RAD51B: variants seen among roughly 807,000 people sequenced by gnomAD.
The protein encoded by RAD51B is DNA repair protein RAD51 homolog 2.
Under a neutral mutation model 42.2 loss-of-function variants are expected in RAD51B, and 38 were observed. The observed-to-expected ratio is 0.90, with a 90% CI of 0.70 to 1.18. RAD51B has a LOEUF of 1.18. Among genes scored for constraint, RAD51B ranks in the 50% most tolerant of loss-of-function variants. The probability of loss-of-function intolerance (pLI) is 0.00; values close to 1 mark genes in which losing one functional copy is unlikely to be tolerated. For synonymous variants in RAD51B, 154 were observed against 145.2 expected (o/e 1.06, Z -0.43); for missense variants, 373 against 400.7 (o/e 0.93, Z 0.59).
chr14:68,053,133 G>T (rs1003363005), intron 7 of RAD51B, among the ~76,000 whole-genome samples: 2 of 152,070 alleles, frequency 1.3e-5, no homozygotes, highest in Non-Finnish European at 2.9e-5. Flanking sequence ...TCGAGCTGTG[G>T]GCTCTGCCTT....
At chr14:68,500,394 A>G (rs910185017) in intron 10 of RAD51B, among the ~76,000 whole-genome samples, 1 of 152,260 alleles carries the variant, frequency 6.6e-6, no homozygotes, top group Non-Finnish European at 1.5e-5. Context: ...TGGTGGAGCC[A>G]GACCTTGGCC....
chr14:67,922,760 G>T (rs899184462), intron 7 of RAD51B, among the ~76,000 whole-genome samples: 7 of 149,468 alleles, frequency 4.7e-5, no homozygotes, highest in Non-Finnish European at 1.0e-4. Context: ...GGCATGATCT[G>T]GGCTCACTAC....
intron 7 of RAD51B, among the ~76,000 whole-genome samples, chr14:67,890,537 T>G (rs1313878749): frequency 2.0e-5 from 3 of 151,930 alleles, no homozygotes; most frequent in Non-Finnish European, 4.4e-5. Context: ...TGTATACATG[T>G]GCCATGCTGG....
intron 10 of RAD51B, among the ~76,000 whole-genome samples, chr14:68,633,386 C>G (rs1892275962): frequency 6.6e-6 from 1 of 152,090 alleles, no homozygotes; most frequent in South Asian, 2.1e-4. Flanking sequence ...TCTTAAAATT[C>G]AAGCAGGAGA....
chr14:68,261,093 A>G (rs1428441747), intron 7 of RAD51B, among the ~76,000 whole-genome samples: 2 of 152,208 alleles, frequency 1.3e-5, no homozygotes. Flanking sequence ...CTTTAGGGCA[A>G]TTGGTCACGA....
intron 7 of RAD51B, among the ~76,000 whole-genome samples, chr14:68,277,140 T>C (rs2081240947): frequency 6.6e-6 from 1 of 152,186 alleles, no homozygotes; most frequent in African/African-American, 2.4e-5. Context: ...AGTCCTCTCT[T>C]GGAAGCTCTT....
intron 11 of RAD51B, among the ~76,000 whole-genome samples, chr14:68,679,762 T>G (rs2140162595): frequency 6.6e-6 from 1 of 152,354 alleles, no homozygotes; most frequent in Admixed American, 6.5e-5. Context: ...CTCCAGGAAT[T>G]AGCATCTCCT....
chr14:68,194,731 C>T (rs1192842277), intron 7 of RAD51B, among the ~76,000 whole-genome samples: 1 of 152,132 alleles, frequency 6.6e-6, no homozygotes, highest in Non-Finnish European at 1.5e-5. Context: ...TGAGATATGA[C>T]AGTGTGGTAA....
chr14:67,930,655 ACAATGTGT>A (rs2044694217), intron 7 of RAD51B, among the ~76,000 whole-genome samples: 1 of 152,162 alleles, frequency 6.6e-6, no homozygotes. Flanking sequence ...CAGCTTGAAT[ACAATGTGT>A]CATGGAGAAG....
intron 8 of RAD51B, among the ~76,000 whole-genome samples, chr14:68,331,581 C>T (rs2082353476): frequency 6.6e-6 from 1 of 152,068 alleles, no homozygotes; most frequent in African/African-American, 2.4e-5. Flanking sequence ...CATGCATCCA[C>T]ATATCTACTA....
rs553236782 is a variant in RAD51B, at chr14:68,318,627, C to T, written c.853+26647C>T. 1.9e-4 allele frequency among the ~76,000 whole-genome samples: 29 copies of T among 152,240 alleles called. No homozygotes were observed. The South Asian group carries it at 3.9e-3, about 21-fold the overall frequency. ...TTGTTTGCATGGACGGTCTACCTAC[C>T]GTGTGGCCTTGTTCATGACATGGCG... On this transcript the variant is annotated intron_variant, in intron 8 of 10. Transcript: ENST00000471583.
intron 7 of RAD51B, among the ~76,000 whole-genome samples, chr14:68,183,024 G>A (rs1428583665): frequency 6.6e-6 from 1 of 152,114 alleles, no homozygotes; most frequent in Non-Finnish European, 1.5e-5. Flanking sequence ...TCTTATTTGG[G>A]GGATTTTGAC....
chr14:68,622,379 TC>T (rs1891968510), intron 10 of RAD51B, among the ~76,000 whole-genome samples: 1 of 152,198 alleles, frequency 6.6e-6, no homozygotes, highest in Non-Finnish European at 1.5e-5. Context: ...AGGCATGGTC[TC>T]TCTCCTCCTG....
chr14:67,989,716 C>G (rs2075260396), intron 7 of RAD51B, among the ~76,000 whole-genome samples: 1 of 150,424 alleles, frequency 6.6e-6, no homozygotes. Context: ...GGTTGGGGGG[C>G]AACCCCCCAC....
chr14:68,284,398 AAC>A (rs1410914774), intron 7 of RAD51B, among the ~76,000 whole-genome samples: 1 of 152,236 alleles, frequency 6.6e-6, no homozygotes, highest in African/African-American at 2.4e-5. Context: ...CTGCTACATT[AAC>A]AGTTGTTATA....
At chr14:68,581,275 C>T (rs565763090) in intron 10 of RAD51B, among the ~76,000 whole-genome samples, 35 of 152,262 alleles carry the variant, frequency 2.3e-4, no homozygotes, top group African/African-American at 7.0e-4. Context: ...CCATGTCTCC[C>T]GGTCAGCCAG....
chr14:68,173,022 A>G (rs2140861850), intron 7 of RAD51B, among the ~76,000 whole-genome samples: 1 of 152,294 alleles, frequency 6.6e-6, no homozygotes, highest in South Asian at 2.1e-4. Context: ...GCATTTTTTC[A>G]AGGCATTTTA....
At chr14:68,638,415 T>C (rs1230418130) in intron 10 of RAD51B, among the ~76,000 whole-genome samples, 3 of 152,136 alleles carry the variant, frequency 2.0e-5, no homozygotes. Flanking sequence ...TCCAAGACCC[T>C]CTTTTTAAGA....
In RAD51B at chr14:67,895,419, T is replaced by C. The variant is rs1031388947; in HGVS notation, c.756+8215T>C. On this transcript the variant is annotated intron_variant, in intron 7 of 10. Coordinates refer to ENST00000471583, the MANE Select transcript of RAD51B (RefSeq NM_133510.4). ...TTGCCGCTTCCATCCTGGGTTGTTA[T>C]TGTAGTATCTTAATGGGTCTGCTTC... Among the ~76,000 whole-genome samples, 108 of 152,210 alleles carry C rather than the reference T, an allele frequency of 7.1e-4. 2 individuals carry two copies. The highest frequency in any genetic ancestry group is 5.9e-5 in the Non-Finnish European group (4 of 68,038).
Sources: allele counts gnomAD v4.1 joint callset (sites outside exome capture counted in the v4.1 genomes callset), GRCh38; gene constraint gnomAD v4.1.1; transcripts MANE v1.5; gene names NCBI Gene and HGNC (gene_info 2026-07-23, HGNC 2026-07-21).